SORCS3: variants seen among roughly 807,000 people sequenced by gnomAD.
SORCS3 encodes sortilin related VPS10 domain containing receptor 3.
Under a neutral mutation model 146.3 loss-of-function variants are expected in SORCS3, and 57 were observed. The observed-to-expected ratio is 0.39, with a 90% CI of 0.31 to 0.49. SORCS3 has a LOEUF of 0.49. SORCS3 is among the 20% of genes least tolerant of loss of function. The pLI is 0.92. For missense variants in SORCS3, 1,341 were observed against 1,575.5 expected (o/e 0.85, Z 2.52); for synonymous variants, 653 against 618.5 (o/e 1.06, Z -0.83).
At position 105,082,964 on chromosome 10, in the gene SORCS3, G is replaced by A. The variant is rs183274016; in HGVS notation, c.1029-6811G>A. Among the ~76,000 whole-genome samples, 103 of 152,148 alleles carry A rather than the reference G, an allele frequency of 6.8e-4. 2 individuals are homozygous for A. In the East Asian group the frequency reaches 0.017, roughly 25 times the overall value. The stretch of plus-strand genomic sequence containing the variant: ...AGGCTGGTCTCAAACTCCTGACCTC[G>A]TGATCTGCCCGCCTTGGCCTCCCAA... On this transcript the variant is annotated intron_variant, in intron 5 of 26. Transcript: ENST00000369701.
At chr10:104,918,250 C>A (rs2019052541) in intron 3 of SORCS3, among the ~76,000 whole-genome samples, 1 of 152,088 alleles carries the variant, frequency 6.6e-6, no homozygotes, top group African/African-American at 2.4e-5. Context: ...CCCAAGATAT[C>A]CATGGAGTCT....
At chr10:105,053,689 G>C (rs1395096360) in intron 5 of SORCS3, among the ~76,000 whole-genome samples, 1 of 151,658 alleles carries the variant, frequency 6.6e-6, no homozygotes, top group Admixed American at 6.6e-5. Context: ...ACATTCTCCT[G>C]TGCCATCCTC....
chr10:105,203,869 T>C (rs370516489), intron 16 of SORCS3, among the ~76,000 whole-genome samples: 7 of 152,328 alleles, frequency 4.6e-5, no homozygotes, highest in African/African-American at 1.7e-4. Context: ...GTTGATGCTG[T>C]TGTTATTCTT....
intron 1 of SORCS3, among the ~76,000 whole-genome samples, chr10:104,838,719 G>T (rs2133543630): frequency 6.6e-6 from 1 of 152,262 alleles, no homozygotes; most frequent in South Asian, 2.1e-4. Context: ...TGGTGGGGTG[G>T]GTAGTGTCAC....
At chr10:105,223,829 T>G (rs752498529) in intron 20 of SORCS3, among the ~76,000 whole-genome samples, 4 of 152,222 alleles carry the variant, frequency 2.6e-5, no homozygotes, top group Non-Finnish European at 5.9e-5. Flanking sequence ...AACACCTGTG[T>G]CAAGCATGAC....
At chr10:105,150,496 C>A (rs1188151042) in intron 9 of SORCS3, among the ~76,000 whole-genome samples, 2 of 152,048 alleles carry the variant, frequency 1.3e-5, no homozygotes, top group East Asian at 1.9e-4. Context: ...GACTGTCAGT[C>A]CTTTTGCCCT....
At chr10:104,652,500 TACCTC>T (rs891858911) in intron 1 of SORCS3, among the ~76,000 whole-genome samples, 3 of 152,192 alleles carry the variant, frequency 2.0e-5, no homozygotes, top group African/African-American at 7.2e-5. Context: ...GTTGTTAGTT[TACCTC>T]ACCTCTCCTT....
intron 1 of SORCS3, among the ~76,000 whole-genome samples, chr10:104,795,387 A>G (rs1029696432): frequency 7.9e-5 from 12 of 152,360 alleles, no homozygotes; most frequent in African/African-American, 2.6e-4. Flanking sequence ...TCTTCATAGA[A>G]TAAGTTAATC....
chr10:104,933,001 G>T (rs2019222837), intron 3 of SORCS3, among the ~76,000 whole-genome samples: 2 of 152,122 alleles, frequency 1.3e-5, no homozygotes, highest in South Asian at 4.1e-4. Context: ...AAAGTGATAG[G>T]ATTACAGACA....
intron 4 of SORCS3, among the ~76,000 whole-genome samples, chr10:105,007,484 A>C (rs1420416206): frequency 6.6e-6 from 1 of 152,108 alleles, no homozygotes. Context: ...AAACAAACAA[A>C]CATAAGAAAA....
Position 105,219,961 on chromosome 10 carries a change from T to C in SORCS3, c.2734+2839T>C, listed in dbSNP as rs2056689942. ...CTTATAATTCCCTCCAAATCAATCATGGCTGCATTTTCCAGATAGTTTTTA... is the reference window on the plus strand; with the variant it reads ...CTTATAATTCCCTCCAAATCAATCACGGCTGCATTTTCCAGATAGTTTTTA... On this transcript the variant is annotated intron_variant, in intron 19 of 26. Coordinates refer to ENST00000369701, the MANE Select transcript of SORCS3 (RefSeq NM_014978.3). 2.0e-5 allele frequency among the ~76,000 whole-genome samples: 3 copies of C among 152,220 alleles called. 1 individual carries two copies. Among genetic ancestry groups the C allele is most frequent in the African/African-American group, 7.2e-5 (3 of 41,450 alleles).
chr10:104,685,798 C>A (rs1319737215), intron 1 of SORCS3, among the ~76,000 whole-genome samples: 1 of 152,208 alleles, frequency 6.6e-6, no homozygotes, highest in Admixed American at 6.5e-5. Context: ...AGCCCTAGTT[C>A]TACCCTTTAA....
intron 4 of SORCS3, among the ~76,000 whole-genome samples, chr10:104,993,401 T>C (rs1283011808): frequency 6.6e-6 from 1 of 152,226 alleles, no homozygotes; most frequent in Non-Finnish European, 1.5e-5. Context: ...TCTGAGTAAG[T>C]TATTGAAACA....
intron 2 of SORCS3, among the ~76,000 whole-genome samples, chr10:104,882,405 G>A (rs1281571686): frequency 6.6e-6 from 1 of 152,100 alleles, no homozygotes; most frequent in East Asian, 1.9e-4. Context: ...TTTGGAATGA[G>A]AAAGGAAAAA....
At chr10:105,257,700 C>T (rs564272585) in intron 25 of SORCS3, among the ~76,000 whole-genome samples, 39 of 152,280 alleles carry the variant, frequency 2.6e-4, no homozygotes, top group African/African-American at 9.4e-4. Context: ...AATTTCTTCA[C>T]TGGTAAAATG....
rs6584623 is a variant in SORCS3, at chr10:104,658,772, T to C, written c.627+16818T>C. Among the ~76,000 whole-genome samples the C allele has an allele frequency of 4.9e-3, 739 of 152,318 alleles. 5 individuals are homozygous for C. Among genetic ancestry groups the C allele is most frequent in the African/African-American group, 0.017 (712 of 41,572 alleles). ...ATGGTGATAGCTTACAATTGTTACC[T>C]GAGTGGGCTCATGCTGCAATAGGAC... On this transcript the variant is annotated intron_variant, in intron 1 of 26. Coordinates refer to ENST00000369701, the MANE Select transcript of SORCS3 (RefSeq NM_014978.3).
intron 5 of SORCS3, among the ~76,000 whole-genome samples, chr10:105,055,232 A>G (rs2055438545): frequency 6.6e-6 from 1 of 152,174 alleles, no homozygotes; most frequent in South Asian, 2.1e-4. Context: ...TCAGATTGGC[A>G]TGACTGAACA....
chr10:105,245,953 A>T (rs974538659), intron 21 of SORCS3, among the ~76,000 whole-genome samples: 4 of 152,184 alleles, frequency 2.6e-5, no homozygotes, highest in African/African-American at 9.7e-5. Flanking sequence ...GCAAGCTGGG[A>T]GGTATCTACA....
At chr10:105,189,428 G>A (rs1249219000) in intron 14 of SORCS3, among the ~76,000 whole-genome samples, 1 of 152,208 alleles carries the variant, frequency 6.6e-6, no homozygotes, top group Non-Finnish European at 1.5e-5. Flanking sequence ...AACTGGTAGT[G>A]CACATCTGTA....
Sources: gnomAD v4.1 joint callset for allele counts (sites outside exome capture counted in the v4.1 genomes callset) on GRCh38, gnomAD v4.1.1 for gene constraint, MANE v1.5 for transcripts, NCBI Gene and HGNC (gene_info 2026-07-23, HGNC 2026-07-21) for gene names.